CD8A: variants seen among roughly 807,000 people sequenced by gnomAD.
CD8A encodes T-cell surface glycoprotein CD8 alpha chain.
A neutral mutation model predicts 24.2 loss-of-function variants in CD8A; 25 were observed. The observed-to-expected ratio is 1.03, with a 90% CI of 0.75 to 1.44. CD8A has a LOEUF of 1.44. CD8A is among the 40% of genes most tolerant of loss of function. CD8A has a pLI of 0.00. For synonymous variants in CD8A, 165 were observed against 149.9 expected (o/e 1.10, Z -0.74); for missense variants, 360 against 319.7 (o/e 1.13, Z -0.96).
chr2:86,789,808 C>A (rs1029851271), intron 2 of CD8A, 58 bp from the exon 3 acceptor site: 2 of 1,069,738 alleles, frequency 1.9e-6, no homozygotes, highest in Admixed American at 3.8e-5. Flanking sequence ...GGCGCCCCAG[C>A]CCCGGCCTCG....
At chr2:86,788,585 AAG>A (rs755512573) in intron 4 of CD8A, 25 bp from the exon 5 acceptor site, 2 of 1,607,178 alleles carry the variant, frequency 1.2e-6, no homozygotes, top group Admixed American at 3.3e-5. Flanking sequence ...AGAAGGGAAA[AAG>A]TGAGTGCCCC....
chr2:86,798,365 G>A (rs1374685576), intron 3 of CD8A, among the ~76,000 whole-genome samples: 4 of 151,848 alleles, frequency 2.6e-5, no homozygotes, highest in Non-Finnish European at 5.9e-5. Context: ...AGTAGAGACA[G>A]GGTTTCTCCA....
At chr2:86,788,636 T>C in intron 4 of CD8A, 76 bp from the exon 5 acceptor site, 3 of 1,341,762 alleles carry the variant, frequency 2.2e-6, no homozygotes, top group Non-Finnish European at 3.2e-6. Context: ...TATTTTTTGT[T>C]GTTGCTGTTG....
In CD8A at chr2:86,784,970, G is replaced by C; in HGVS notation, c.*950C>G. 1 of 454,060 alleles carries C rather than the reference G, an allele frequency of 2.2e-6. No homozygotes were observed. Among genetic ancestry groups the C allele is most frequent in the South Asian group, 1.6e-5 (1 of 64,472 alleles). 28.1% of individuals were successfully genotyped at this position (454,060 alleles called of 1,614,324 possible). ...TGAGCAGAGGCCAGGGCTGTGTGAG[G>C]GGCTCTCCAACAATTGTCTTTACAA... is the stretch of plus-strand genomic sequence containing the variant. On this transcript the variant is annotated 3_prime_UTR_variant, in exon 6 of 6. Coordinates refer to ENST00000283635, the MANE Select transcript of CD8A (RefSeq NM_001768.7).
chr2:86,805,355 A>G (rs1220523061), intron 2 of CD8A, among the ~76,000 whole-genome samples: 1 of 152,180 alleles, frequency 6.6e-6, no homozygotes, highest in Admixed American at 6.5e-5. Context: ...GAGTATGGCA[A>G]CCTTGTGAGA....
rs1161895197 is a variant in CD8A at position 86,789,359 on chromosome 2, G to A, written c.589C>T (p.Leu197Phe). Residue 197 changes from leucine (L) to phenylalanine (F), a missense_variant, in exon 4 of 6, where the codon CTC (leucine) becomes TTC (phenylalanine). Coordinates refer to ENST00000283635, the MANE Select transcript of CD8A (RefSeq NM_001768.7). Reference protein sequence around the residue: ...APLAGTCGVLLLSLVITLYCN... With the variant: ...APLAGTCGVLFLSLVITLYCN... The stretch of plus-strand genomic sequence containing the variant: ...TAAAGGGTGATAACCAGTGACAGGA[G>A]AAGGACCCCACAAGTCCCGGCCAAG... The A allele has an allele frequency of 1.9e-6, 3 of 1,613,406 alleles. No homozygotes were observed. Among genetic ancestry groups the A allele is most frequent in the Admixed American group, 1.7e-5 (1 of 60,006 alleles).
chr2:86,797,150 A>C (rs1191660414), intron 3 of CD8A, among the ~76,000 whole-genome samples: 1 of 152,232 alleles, frequency 6.6e-6, no homozygotes, highest in African/African-American at 2.4e-5. Context: ...ACACTGAAAC[A>C]GAAGCGTTCT....
chr2:86,790,907 GA>G lies in CD8A; in HGVS notation c.-83del. 1 of 1,343,838 alleles carries G rather than the reference GA, an allele frequency of 7.4e-7. No homozygotes were observed. Among genetic ancestry groups the G allele is most frequent in the Non-Finnish European group, 1.0e-6 (1 of 971,694 alleles). 83.2% of individuals were successfully genotyped at this position (1,343,838 alleles called of 1,614,324 possible). On this transcript the variant is annotated 5_prime_UTR_variant, in exon 1 of 6. Transcript: ENST00000283635. ...GGGAGCCGGTGGGGCGCCGAGGGGG[GA>G]AAGTTGCGCCCTTCGGCCGGCCCGG...
chr2:86,800,445 G>GA (rs753432338), intron 3 of CD8A, among the ~76,000 whole-genome samples: 1,017 of 80,504 alleles, frequency 0.013, 4 homozygotes, highest in African/African-American at 0.034. Context: ...CTGGGCGACA[G>GA]AAAAAAAAAA....
At chr2:86,807,312 C>G (rs1409985614) in intron 2 of CD8A, 3 of 152,378 alleles carry the variant, frequency 2.0e-5, no homozygotes, top group Admixed American at 6.5e-5. Context: ...TAGAACAAGA[C>G]CCTGTCTCTT....
upstream of CD8A, chr2:86,791,680 C>A (rs1673317263): frequency 4.4e-6 from 2 of 453,886 alleles, no homozygotes; most frequent in South Asian, 3.1e-5. Context: ...GATGGAAATT[C>A]AACCCCCAGC....
rs748048031 is a variant in CD8A, at chr2:86,785,795, C to A, written c.*125G>T. ...AAAGTAATCTTTCCCACCCCGCCCC[C>A]ACTAAAATAATAATCATGAGAATGA... is the stretch of plus-strand genomic sequence containing the variant. On this transcript the variant is annotated 3_prime_UTR_variant, in exon 6 of 6. Coordinates refer to ENST00000283635, the MANE Select transcript of CD8A (RefSeq NM_001768.7). The A allele has an allele frequency of 8.5e-6, 7 of 823,456 alleles. No individual in the cohort carries two copies. The highest frequency in any genetic ancestry group is 1.5e-5 in the Non-Finnish European group (7 of 457,410). The allele number at this position is 823,456 out of a possible 1,614,324, so 51.0% of individuals were successfully genotyped here. A position where few individuals can be genotyped will look rare whatever the true frequency, so the allele number is the denominator to read the frequency against.
chr2:86,807,045 C>G (rs1255119030), intron 2 of CD8A, among the ~76,000 whole-genome samples: 3 of 151,938 alleles, frequency 2.0e-5, no homozygotes, highest in Non-Finnish European at 4.4e-5. Flanking sequence ...GTGAGTAGGA[C>G]AGGACTCAGG....
At chr2:86,792,805 CTTTT>C (rs544347033), upstream of CD8A, among the ~76,000 whole-genome samples, 2 of 134,334 alleles carry the variant, frequency 1.5e-5, no homozygotes, top group Non-Finnish European at 3.3e-5. Context: ...CCTGGATGGG[CTTTT>C]TTTTTTTTTT....
Position 86,789,367 on chromosome 2 carries a change from C to G in CD8A, c.581G>C (p.Gly194Ala). The G allele has an allele frequency of 6.2e-7, 1 of 1,613,918 alleles. No individual in the cohort carries two copies. Among genetic ancestry groups the G allele is most frequent in the Non-Finnish European group, 8.5e-7 (1 of 1,179,784 alleles). Residue 194 changes from glycine to alanine, a missense_variant, in exon 4 of 6, where the codon GGG becomes GCG. Coordinates refer to ENST00000283635, the MANE Select transcript of CD8A (RefSeq NM_001768.7). ...GATAACCAGTGACAGGAGAAGGACC[C>G]CACAAGTCCCGGCCAAGGGCGCCCA... ...YIWAPLAGTCGVLLLSLVITL... is the reference protein window; with the variant it reads ...YIWAPLAGTCAVLLLSLVITL...
intron 4 of CD8A, among the ~76,000 whole-genome samples, chr2:86,788,898 T>C (rs1169655928): frequency 6.6e-6 from 1 of 152,164 alleles, no homozygotes; most frequent in East Asian, 1.9e-4. Context: ...GCACCTCTCT[T>C]GCATGGGACC....
intron 2 of CD8A, 122 bp from the exon 3 acceptor site, chr2:86,789,872 G>A (rs1405719359): frequency 1.7e-6 from 1 of 605,282 alleles, no homozygotes; most frequent in Admixed American, 3.8e-5. Flanking sequence ...AGAAGGGATA[G>A]CAGAGGAGAC....
upstream of CD8A, chr2:86,791,371 C>T (rs988635040): frequency 1.4e-4 from 54 of 378,056 alleles, no homozygotes; most frequent in African/African-American, 9.7e-4. Context: ...TAGAGCAGCC[C>T]CAGTTTTCAC....
Position 86,785,034 on chromosome 2 carries a change from T to C in CD8A, c.*886A>G. On this transcript the variant is annotated 3_prime_UTR_variant, in exon 6 of 6. Coordinates refer to ENST00000283635, the MANE Select transcript of CD8A (RefSeq NM_001768.7). ...ATCAGTGATCCCAGGAACATGTTTGTATCTCAAATTCAGAGATTCAAGAGG... is the reference window on the plus strand; with the variant it reads ...ATCAGTGATCCCAGGAACATGTTTGCATCTCAAATTCAGAGATTCAAGAGG... The C allele has an allele frequency of 2.2e-6, 1 of 454,122 alleles. No homozygotes were observed. The highest frequency in any genetic ancestry group is 4.4e-6 in the Non-Finnish European group (1 of 226,800). The allele number at this position is 454,122 out of a possible 1,614,324, so 28.1% of individuals were successfully genotyped here.
Sources: gnomAD v4.1 joint callset for allele counts (sites outside exome capture counted in the v4.1 genomes callset) on GRCh38, gnomAD v4.1.1 for gene constraint, MANE v1.5 for transcripts, NCBI Gene and HGNC (gene_info 2026-07-23, HGNC 2026-07-21) for gene names.